The following USH2A variants were observed in gnomAD, a reference collection of about 807,000 sequenced individuals.
USH2A encodes Usher syndrome 2A (autosomal recessive, mild).
In USH2A, 443 loss-of-function variants were observed where a neutral mutation model predicts 538.9. That is an observed-to-expected ratio of 0.82 (90% CI 0.76 to 0.89). USH2A has a LOEUF of 0.89. Among genes scored for constraint, USH2A ranks in the 40% least tolerant of loss-of-function variants. The probability of loss-of-function intolerance (pLI) is 0.00; values close to 1 mark genes in which losing one functional copy is unlikely to be tolerated. For missense variants in USH2A, 6,633 were observed against 6,324.8 expected (o/e 1.05, Z -1.65); for synonymous variants, 2,413 against 2,273.5 (o/e 1.06, Z -1.75).
intron 61 of USH2A, among the ~76,000 whole-genome samples, chr1:215,688,692 G>T (rs1367942891): frequency 2.6e-5 from 4 of 152,112 alleles, no homozygotes; most frequent in African/African-American, 9.7e-5. Flanking sequence ...CATGCAGAGA[G>T]ATATCTCTGG....
intron 27 of USH2A, 98 bp from the exon 28 acceptor site, chr1:216,073,398 G>T (rs2031632520): frequency 1.5e-6 from 2 of 1,303,866 alleles, no homozygotes; most frequent in African/African-American, 1.5e-5. Context: ...AGGAAGGGGG[G>T]TGGTTAGATA....
At chr1:216,173,489 T>A (rs776302446) in intron 21 of USH2A, among the ~76,000 whole-genome samples, 1 of 152,128 alleles carries the variant, frequency 6.6e-6, no homozygotes, top group Non-Finnish European at 1.5e-5. Context: ...TCAAATGGTG[T>A]GTACTCCAAG....
chr1:215,935,516 G>A (rs952972237), intron 37 of USH2A, among the ~76,000 whole-genome samples: 3 of 151,892 alleles, frequency 2.0e-5, no homozygotes, highest in African/African-American at 7.2e-5. Flanking sequence ...CCTCACCCTG[G>A]TCCCAACACC....
intron 32 of USH2A, among the ~76,000 whole-genome samples, chr1:216,030,564 A>T (rs1669097495): frequency 7.2e-6 from 1 of 139,406 alleles, no homozygotes; most frequent in Non-Finnish European, 1.5e-5. Flanking sequence ...TATATCACAG[A>T]TATATAAATG....
chr1:216,263,933 C>A (rs2036423029), intron 11 of USH2A, among the ~76,000 whole-genome samples: 1 of 151,968 alleles, frequency 6.6e-6, no homozygotes, highest in Admixed American at 6.6e-5. Flanking sequence ...TGCAGGATAT[C>A]AAATCAATAT....
chr1:216,300,142 T>A (rs1439643262), intron 9 of USH2A, among the ~76,000 whole-genome samples: 2 of 152,208 alleles, frequency 1.3e-5, no homozygotes, highest in Admixed American at 6.5e-5. Flanking sequence ...AATTGGTAAG[T>A]GCATTATAAG....
chr1:215,929,925 T>TGG (rs917401930), intron 38 of USH2A, among the ~76,000 whole-genome samples: 1 of 151,772 alleles, frequency 6.6e-6, no homozygotes, highest in African/African-American at 2.4e-5. Context: ...GGTGGATAAG[T>TGG]GGAGAGGGGG....
At chr1:216,391,179 A>G (rs990670591) in intron 3 of USH2A, among the ~76,000 whole-genome samples, 1 of 152,200 alleles carries the variant, frequency 6.6e-6, no homozygotes, top group African/African-American at 2.4e-5. Flanking sequence ...CTATGAATCA[A>G]CCAAAATTGC....
chr1:215,679,704 C>T (rs994816809), intron 62 of USH2A, among the ~76,000 whole-genome samples: 2 of 152,168 alleles, frequency 1.3e-5, no homozygotes, highest in African/African-American at 4.8e-5. Context: ...TTAATGAGCT[C>T]TGTTTGAAGC....
chr1:216,402,781 C>A (rs1334636421), intron 3 of USH2A, among the ~76,000 whole-genome samples: 1 of 152,052 alleles, frequency 6.6e-6, no homozygotes, highest in Admixed American at 6.5e-5. Context: ...AAATTTTTAA[C>A]TCCATCGGGA....
chr1:215,849,628 C>T (rs1663965523), intron 44 of USH2A, among the ~76,000 whole-genome samples: 1 of 152,022 alleles, frequency 6.6e-6, no homozygotes, highest in South Asian at 2.1e-4. Context: ...ACTGAATAGA[C>T]TAATACAGTT....
rs201429815 is a variant in USH2A at position 215,737,740 on chromosome 1, T to C, written c.11711+3635A>G. ...TATCCATCTTTCCACCCAATACAAATTGAATTACATCAAAATTCCTTTGCC... is the reference window on the plus strand; with the variant it reads ...TATCCATCTTTCCACCCAATACAAACTGAATTACATCAAAATTCCTTTGCC... On this transcript the variant is annotated intron_variant, in intron 60 of 71. Transcript: ENST00000307340. 9.2e-5 allele frequency among the ~76,000 whole-genome samples: 14 copies of C among 152,132 alleles called. No individual in the cohort carries two copies. In the East Asian group the frequency reaches 2.5e-3, roughly 27 times the overall value.
Position 215,779,894 on chromosome 1 carries a change from T to C in USH2A, c.10888A>G (p.Lys3630Glu). 1.2e-6 allele frequency: 2 copies of C among 1,614,132 alleles called. No homozygotes were observed. Among genetic ancestry groups the C allele is most frequent in the Non-Finnish European group, 1.7e-6 (2 of 1,180,032 alleles). Reference protein sequence around the residue: ...IKEYQIRQVGKGLIHTDTTDR... With the variant: ...IKEYQIRQVGEGLIHTDTTDR... ...GTGGTGTCAGTGTGGATGAGACCTT[T>C]CCCAACCTGCCTGATCTGGTACTCT... Residue 3630 changes from lysine (K) to glutamate (E), a missense_variant, in exon 55 of 72, where the codon AAA becomes GAA. Transcript: ENST00000307340.
intron 61 of USH2A, among the ~76,000 whole-genome samples, chr1:215,692,444 A>G (rs1053451060): frequency 7.0e-6 from 1 of 141,926 alleles, no homozygotes; most frequent in African/African-American, 2.7e-5. Flanking sequence ...AGAGAAAGAT[A>G]TTTTACATAT....
chr1:215,747,679 G>A (rs1271377443), intron 58 of USH2A, among the ~76,000 whole-genome samples: 1 of 152,138 alleles, frequency 6.6e-6, no homozygotes, highest in South Asian at 2.1e-4. Flanking sequence ...AAGGAATCGG[G>A]GACCCTCTCA....
intron 29 of USH2A, 39 bp downstream of exon 29, chr1:216,072,850 T>C (rs757862945): frequency 6.5e-7 from 1 of 1,536,612 alleles, no homozygotes; most frequent in South Asian, 1.1e-5. Flanking sequence ...TACATGCATG[T>C]GTGTGTGTGC....
chr1:216,325,518 C>T lies in USH2A; in HGVS notation c.930G>A (p.Arg310=), dbSNP rs762904029. The change falls in exon 6 of 72, where the codon CGG becomes CGA. Residue 310 remains arginine (R), a synonymous_variant. Coordinates refer to ENST00000307340, the MANE Select transcript of USH2A (RefSeq NM_206933.4). ...AGTACCGCTGTGCCAAAGGGTGGAC[C>T]CGCGGGTGGCTGCCAGGGCAACGGC... is the stretch of plus-strand genomic sequence containing the variant. ...SHCRCPGSHP[R]VHPLAQRYCI... is the part of the protein sequence containing the mutation. The T allele has an allele frequency of 1.9e-6, 3 of 1,613,574 alleles. No homozygotes were observed. The highest frequency in any genetic ancestry group is 3.3e-5 in the Admixed American group (2 of 59,918).
At chr1:216,398,270 T>C (rs781120299) in intron 3 of USH2A, among the ~76,000 whole-genome samples, 1 of 152,122 alleles carries the variant, frequency 6.6e-6, no homozygotes, top group Non-Finnish European at 1.5e-5. Flanking sequence ...AAGTGTAAGA[T>C]GACTTTGCGA....
At chr1:216,310,919 T>C (rs1341992138) in intron 9 of USH2A, among the ~76,000 whole-genome samples, 4 of 152,202 alleles carry the variant, frequency 2.6e-5, no homozygotes, top group Non-Finnish European at 2.9e-5. Flanking sequence ...ATGTCTTTGC[T>C]GCTAAATTGC....
Sources: allele counts gnomAD v4.1 joint callset (sites outside exome capture counted in the v4.1 genomes callset), GRCh38; gene constraint gnomAD v4.1.1; transcripts MANE v1.5; gene names NCBI Gene and HGNC (gene_info 2026-07-23, HGNC 2026-07-21).